TYW1B: variants seen among roughly 807,000 people sequenced by gnomAD.
The protein encoded by TYW1B is tRNA-yW synthesizing protein 1 homolog B, also known as S-adenosyl-L-methionine-dependent tRNA 4-demethylwyosine synthase TYW1B.
Under a neutral mutation model 86.9 loss-of-function variants are expected in TYW1B, and 73 were observed. That is an observed-to-expected ratio of 0.84 (90% CI 0.70 to 1.02). The LOEUF (loss-of-function observed/expected upper bound fraction) is 1.02, where lower values mean the gene tolerates loss of function less well. Among genes scored for constraint, TYW1B ranks in the 50% least tolerant of loss-of-function variants. The pLI, the probability that TYW1B is intolerant of heterozygous loss-of-function variation, is 0.00. For synonymous variants in TYW1B, 248 were observed against 292.8 expected (o/e 0.85, Z 1.56); for missense variants, 637 against 827.4 (o/e 0.77, Z 2.82).
Position 72,713,738 on chromosome 7 carries a change from A to G in TYW1B, c.1253T>C (p.Leu418Ser). The change falls in exon 10 of 14, where the codon TTG (leucine) becomes TCG (serine). Residue 418 changes from leucine (L) to serine (S), a missense_variant. Transcript: ENST00000620995. ...EEGMTVKHCA[L>S]SLVGEPIMYP... ...CATTATTGGTTCTCCCACGAGGGAC[A>G]ATGCACAGTGCTTTACCGTCATTCC... is the stretch of plus-strand genomic sequence containing the variant. 1 of 1,613,064 alleles carries G rather than the reference A, an allele frequency of 6.2e-7. No homozygotes were observed. The highest frequency in any genetic ancestry group is 8.5e-7 in the Non-Finnish European group (1 of 1,179,604).
At chr7:72,777,589 A>G in intron 6 of TYW1B, 56 bp from the exon 7 acceptor site, 1 of 1,598,022 alleles carries the variant, frequency 6.3e-7, no homozygotes, top group South Asian at 1.1e-5. Context: ...TGTAAATAAC[A>G]GCACAATCAT....
chr7:72,780,619 A>AT (rs1788034743), intron 6 of TYW1B, among the ~76,000 whole-genome samples: 2 of 152,174 alleles, frequency 1.3e-5, no homozygotes, highest in African/African-American at 4.8e-5. Context: ...CGGCCATGGA[A>AT]TACTGTCTCT....
chr7:72,751,387 G>C (rs1225930973), intron 7 of TYW1B, among the ~76,000 whole-genome samples: 1 of 152,114 alleles, frequency 6.6e-6, no homozygotes. Flanking sequence ...TCGTACTATT[G>C]ATCTGTTAAG....
At chr7:72,609,886 G>A (rs551726780) in intron 13 of TYW1B, among the ~76,000 whole-genome samples, 1 of 152,242 alleles carries the variant, frequency 6.6e-6, no homozygotes, top group African/African-American at 2.4e-5. Flanking sequence ...AATGAGCCTT[G>A]TTTTACTTTT....
rs1244000232 is a variant in TYW1B, at chr7:72,801,208, A to G, written c.846+1192T>C. Reference sequence around the variant, plus strand: ...GCTCAGCGTGGTGGTGTGCACCTGTAGTCCCGGCTACTCGGGAGGCTGAGG... The same window carrying G: ...GCTCAGCGTGGTGGTGTGCACCTGTGGTCCCGGCTACTCGGGAGGCTGAGG... On this transcript the variant is annotated intron_variant, in intron 6 of 13. Transcript: ENST00000620995. Among the ~76,000 whole-genome samples the G allele has an allele frequency of 1.7e-4, 26 of 152,180 alleles. 1 individual carries two copies. Among genetic ancestry groups the G allele is most frequent in the Non-Finnish European group, 7.3e-5 (5 of 68,030 alleles).
intron 6 of TYW1B, among the ~76,000 whole-genome samples, chr7:72,785,608 G>A (rs1490130061): frequency 1.3e-5 from 2 of 151,968 alleles, no homozygotes; most frequent in Non-Finnish European, 2.9e-5. Flanking sequence ...AAAATAATTT[G>A]TCCAGATACA....
At chr7:72,641,535 AT>A (rs1812799324) in intron 11 of TYW1B, among the ~76,000 whole-genome samples, 1 of 152,190 alleles carries the variant, frequency 6.6e-6, no homozygotes, top group Non-Finnish European at 1.5e-5. Context: ...ACCAAGTGGG[AT>A]TTATTCCAGG....
At chr7:72,752,972 C>A (rs1168365874) in intron 7 of TYW1B, among the ~76,000 whole-genome samples, 4 of 151,858 alleles carry the variant, frequency 2.6e-5, no homozygotes, top group Admixed American at 2.0e-4. Flanking sequence ...CATTCAAAAA[C>A]AAGGGGAAAA....
At chr7:72,634,012 C>G (rs1486851159) in intron 11 of TYW1B, among the ~76,000 whole-genome samples, 2 of 152,098 alleles carry the variant, frequency 1.3e-5, no homozygotes, top group African/African-American at 4.8e-5. Flanking sequence ...GCTCCAGTGG[C>G]CCAGTAGAGT....
At chr7:72,657,148 A>G (rs1351056286) in intron 11 of TYW1B, among the ~76,000 whole-genome samples, 1 of 152,230 alleles carries the variant, frequency 6.6e-6, no homozygotes, top group Non-Finnish European at 1.5e-5. Context: ...AAAGATACAG[A>G]TATCCTAAAA....
chr7:72,634,672 C>T (rs1812626033), intron 11 of TYW1B, among the ~76,000 whole-genome samples: 1 of 152,096 alleles, frequency 6.6e-6, no homozygotes, highest in South Asian at 2.1e-4. Context: ...TTATCTTCAA[C>T]AACACTTAGT....
chr7:72,809,766 G>A (rs530382107), intron 4 of TYW1B, among the ~76,000 whole-genome samples: 11 of 152,126 alleles, frequency 7.2e-5, no homozygotes, highest in Non-Finnish European at 1.2e-4. Context: ...CTGGGAGGCC[G>A]AGGTGGGTGG....
chr7:72,672,473 A>ACACACACACAC (rs1813630351), intron 11 of TYW1B, among the ~76,000 whole-genome samples: 12 of 140,782 alleles, frequency 8.5e-5, no homozygotes, highest in South Asian at 2.4e-4. Flanking sequence ...TACACACACA[A>ACACACACACAC]ACACACACAC....
rs535640710 is a variant in TYW1B at position 72,748,138 on chromosome 7, G to A, written c.965-3537C>T. Reference sequence around the variant, plus strand: ...ACAAAAATTAGCCGGGCTTGGTGGCGGGCGCCTGTAGTCCCAGCTACTAGG... The same window carrying A: ...ACAAAAATTAGCCGGGCTTGGTGGCAGGCGCCTGTAGTCCCAGCTACTAGG... On this transcript the variant is annotated intron_variant, in intron 7 of 13. Transcript: ENST00000620995. 2.7e-3 allele frequency among the ~76,000 whole-genome samples: 418 copies of A among 152,018 alleles called. 1 individual carries two copies. The highest frequency in any genetic ancestry group is 9.1e-3 in the African/African-American group (376 of 41,480).
At chr7:72,695,767 A>C (rs1323608433) in intron 10 of TYW1B, among the ~76,000 whole-genome samples, 9 of 151,640 alleles carry the variant, frequency 5.9e-5, no homozygotes, top group African/African-American at 1.9e-4. Context: ...TAATTTTTAA[A>C]ATTTTTTTGT....
At chr7:72,672,509 C>CACACACACACA (rs1585892488) in intron 11 of TYW1B, among the ~76,000 whole-genome samples, 1 of 149,726 alleles carries the variant, frequency 6.7e-6, no homozygotes, top group African/African-American at 2.5e-5. Context: ...CACACACACA[C>CACACACACACA]CTGTATACAC....
chr7:72,600,784 C>T (rs1554433563), intron 13 of TYW1B, among the ~76,000 whole-genome samples: 2 of 152,030 alleles, frequency 1.3e-5, no homozygotes, highest in African/African-American at 4.8e-5. Context: ...ATCCCCTGAG[C>T]CCAGGAATTA....
chr7:72,578,351 G>A (rs1366102033), intron 13 of TYW1B, among the ~76,000 whole-genome samples: 6 of 152,142 alleles, frequency 3.9e-5, no homozygotes, highest in South Asian at 4.2e-4. Context: ...TCCTGACCTC[G>A]TGATCCGCCT....
intron 13 of TYW1B, among the ~76,000 whole-genome samples, chr7:72,586,134 G>C (rs117385479): frequency 6.6e-6 from 1 of 152,170 alleles, no homozygotes; most frequent in Non-Finnish European, 1.5e-5. Flanking sequence ...AACGCTAACC[G>C]AGGGAACAGG....
Sources: allele counts gnomAD v4.1 joint callset (sites outside exome capture counted in the v4.1 genomes callset), GRCh38; gene constraint gnomAD v4.1.1; transcripts MANE v1.5; gene names NCBI Gene and HGNC (gene_info 2026-07-23, HGNC 2026-07-21).